ANXA1: variants seen among roughly 807,000 people sequenced by gnomAD.
ANXA1 encodes the protein annexin I (lipocortin I).
ANXA1 carries 39 observed loss-of-function variants against 47.9 expected under a neutral mutation model. The ratio of observed to expected loss-of-function variants is 0.81; its 90% confidence interval spans 0.63 to 1.06. ANXA1 has a LOEUF of 1.06. Among genes scored for constraint, ANXA1 ranks in the 50% least tolerant of loss-of-function variants. The probability of loss-of-function intolerance (pLI) is 0.00; values close to 1 mark genes in which losing one functional copy is unlikely to be tolerated. For missense variants in ANXA1, 446 were observed against 422.7 expected, an observed-to-expected ratio of 1.06 and a Z score of -0.48; for synonymous variants, 146 against 142.5, an observed-to-expected ratio of 1.02 and a Z score of -0.17.
At chr9:73,162,748 G>A in intron 6 of ANXA1, 34 bp from the exon 7 acceptor site, 6 of 1,513,300 alleles carry the variant, frequency 4.0e-6, no homozygotes, top group South Asian at 1.2e-5. Flanking sequence ...TTCATCACTG[G>A]TTTACTATAA....
intron 4 of ANXA1, chr9:73,159,626 G>A (rs1338342562): frequency 4.8e-6 from 2 of 418,870 alleles, no homozygotes; most frequent in African/African-American, 2.0e-5. Context: ...TAGTCATCTT[G>A]GTGTATATTG....
intron 10 of ANXA1, among the ~76,000 whole-genome samples, chr9:73,167,006 G>A (rs1824242597): frequency 6.6e-6 from 1 of 152,054 alleles, no homozygotes. Context: ...AGGTACATGT[G>A]CACGTTTGTT....
intron 11 of ANXA1, 126 bp downstream of exon 11, chr9:73,167,681 T>C: frequency 1.1e-6 from 1 of 931,530 alleles, no homozygotes; most frequent in Non-Finnish European, 1.6e-6. Context: ...CATTGTTCTA[T>C]TTGATGAAAG....
At chr9:73,159,069 G>C (rs886790169) in intron 3 of ANXA1, among the ~76,000 whole-genome samples, 3 of 152,136 alleles carry the variant, frequency 2.0e-5, no homozygotes, top group African/African-American at 7.2e-5. Flanking sequence ...TTCACATATA[G>C]AGTTGCAACT....
chr9:73,159,284 G>T, intron 3 of ANXA1, 45 bp from the exon 4 acceptor site: 1 of 1,434,222 alleles, frequency 7.0e-7, no homozygotes. Context: ...GTCAATTGAT[G>T]ATGAAGAAAA....
chr9:73,162,184 C>T (rs113915837), intron 6 of ANXA1, among the ~76,000 whole-genome samples: 2 of 152,284 alleles, frequency 1.3e-5, no homozygotes, highest in African/African-American at 4.8e-5. Context: ...CAGGCCCCAC[C>T]TTCAACAGTG....
intron 11 of ANXA1, chr9:73,168,362 G>A (rs941700339): frequency 6.6e-6 from 1 of 152,162 alleles, no homozygotes. Context: ...TGCCATGGAA[G>A]AGAAAAGTGG....
chr9:73,169,960 C>T (rs546875913), intron 12 of ANXA1, 91 bp from the exon 13 acceptor site: 14 of 855,164 alleles, frequency 1.6e-5, no homozygotes, highest in Admixed American at 2.7e-5. Flanking sequence ...TCATCTACAG[C>T]TAAGTCTAAA....
In ANXA1 at chr9:73,158,789, C is replaced by T; in HGVS notation, c.161C>T (p.Ala54Val). 6.2e-7 allele frequency: 1 copy of T among 1,613,494 alleles called. No individual in the cohort carries two copies. The highest frequency in any genetic ancestry group is 8.5e-7 in the Non-Finnish European group (1 of 1,179,580). The change falls in exon 3 of 13, where the codon GCC becomes GTC. Residue 54 changes from alanine (A) to valine (V), a missense_variant. By Grantham distance (64) the Ala-to-Val change is moderately conservative (BLOSUM62 0). Transcript: ENST00000257497. ...PSSDVAALHK[A>V]IMVKGVDEAT... ...TCGGATGTCGCTGCCTTGCATAAGG[C>T]CATAATGGTTAAAGGTAACGTGTTT... is the stretch of plus-strand genomic sequence containing the variant.
chr9:73,160,389 AT>A lies in ANXA1; in HGVS notation c.384+16del. ...TGCTGCCATGAAGGTAAATCGCCCA[AT>A]TTGAGCAAACTCCTTTCCTCAAGAG... On this transcript the variant is annotated intron_variant, in intron 5 of 12. Coordinates refer to ENST00000257497, the MANE Select transcript of ANXA1 (RefSeq NM_000700.3). 1 of 1,543,968 alleles carries A rather than the reference AT, an allele frequency of 6.5e-7. No homozygotes were observed. The highest frequency in any genetic ancestry group is 8.7e-7 in the Non-Finnish European group (1 of 1,151,008).
intron 12 of ANXA1, 141 bp downstream of exon 12, chr9:73,169,295 T>A: frequency 1.1e-6 from 1 of 900,778 alleles, no homozygotes; most frequent in Non-Finnish European, 1.5e-6. Context: ...ACTTCATGAG[T>A]AAATTGAACT....
At position 73,167,757 on chromosome 9, in the gene ANXA1, T is replaced by C. The variant is rs1322068548; in HGVS notation, c.861+202T>C. 1.6e-5 allele frequency: 8 copies of C among 513,802 alleles called. No homozygotes were observed. The East Asian group carries it at 2.2e-4, about 14-fold the overall frequency. The allele number at this position is 513,802 out of a possible 1,614,324, so 31.8% of individuals were successfully genotyped here. Reference sequence around the variant, plus strand: ...TCGGTGCTTTTTTTTACAGATGAGATTGTAAAGTGAGCCTGTAAGTGATTT... The same window carrying C: ...TCGGTGCTTTTTTTTACAGATGAGACTGTAAAGTGAGCCTGTAAGTGATTT... On this transcript the variant is annotated intron_variant, in intron 11 of 12. Coordinates refer to ENST00000257497, the MANE Select transcript of ANXA1 (RefSeq NM_000700.3).
chr9:73,158,466 A>G, intron 1 of ANXA1, 56 bp from the exon 2 acceptor site: 2 of 1,332,790 alleles, frequency 1.5e-6, no homozygotes, highest in Non-Finnish European at 2.1e-6. Context: ...GTGAGGAAGG[A>G]GAGGTTGTGT....
In ANXA1 at chr9:73,166,381, T is replaced by C. The variant is rs1824230396; in HGVS notation, c.802+189T>C. ...GTACTATAACCTTAATAACAATAGATATTATTCCCCTTTTCAAAAATAGAG... is the reference window on the plus strand; with the variant it reads ...GTACTATAACCTTAATAACAATAGACATTATTCCCCTTTTCAAAAATAGAG... On this transcript the variant is annotated intron_variant, in intron 10 of 12. Coordinates refer to ENST00000257497, the MANE Select transcript of ANXA1 (RefSeq NM_000700.3). Among the ~76,000 whole-genome samples, 5 of 152,238 alleles carry C rather than the reference T, an allele frequency of 3.3e-5. No individual in the cohort carries two copies. The South Asian group carries it at 8.3e-4, about 25-fold the overall frequency.
At chr9:73,168,745 A>T (rs1824273953) in intron 11 of ANXA1, 1 of 194,986 alleles carries the variant, frequency 5.1e-6, no homozygotes, top group South Asian at 1.6e-4. Context: ...GCAGTTTAGA[A>T]GTTCCCTTTT....
chr9:73,159,152 C>T (rs764424791), intron 3 of ANXA1, among the ~76,000 whole-genome samples, 177 bp from the exon 4 acceptor site: 4 of 152,188 alleles, frequency 2.6e-5, no homozygotes, highest in African/African-American at 4.8e-5. Flanking sequence ...AATGAAATGT[C>T]ATTCTCCCAA....
In ANXA1 at chr9:73,170,205, G is replaced by A. The variant is rs1325200343; in HGVS notation, c.*98G>A. On this transcript the variant is annotated 3_prime_UTR_variant, in exon 13 of 13. Coordinates refer to ENST00000257497, the MANE Select transcript of ANXA1 (RefSeq NM_000700.3). The stretch of plus-strand genomic sequence containing the variant: ...GGAAAGTTTCTTCAACAGGATTACA[G>A]TGTAGCTACCTACATGCTGAAAAAT... The A allele has an allele frequency of 2.1e-6, 2 of 933,916 alleles. No homozygotes were observed. The highest frequency in any genetic ancestry group is 3.2e-6 in the Non-Finnish European group (2 of 630,798). 57.9% of individuals were successfully genotyped at this position (933,916 alleles called of 1,614,324 possible).
chr9:73,158,187 T>C, intron 1 of ANXA1: 1 of 245,688 alleles, frequency 4.1e-6, no homozygotes. Context: ...TGGTGGGTGG[T>C]CTACAAATTT....
chr9:73,165,307 A>G (rs1824209364), intron 9 of ANXA1, 98 bp downstream of exon 9: 1 of 884,958 alleles, frequency 1.1e-6, no homozygotes, highest in South Asian at 1.6e-5. Context: ...CCCTTTTTCA[A>G]TATCACTCCT....
Sources: allele counts gnomAD v4.1 joint callset (sites outside exome capture counted in the v4.1 genomes callset), GRCh38; gene constraint gnomAD v4.1.1; transcripts MANE v1.5; gene names NCBI Gene and HGNC (gene_info 2026-07-23, HGNC 2026-07-21).